The following IGF2BP2 variants were observed in gnomAD, a reference collection of about 807,000 sequenced individuals.
The protein encoded by IGF2BP2 is insulin like growth factor 2 mRNA binding protein 2, also known as insulin-like growth factor 2 mRNA-binding protein 2.
Under a neutral mutation model 75.8 loss-of-function variants are expected in IGF2BP2, and 17 were observed. The ratio of observed to expected loss-of-function variants is 0.22; its 90% CI spans 0.15 to 0.34. IGF2BP2 has a LOEUF of 0.34. Ranked by LOEUF, IGF2BP2 falls within the 10% of genes least tolerant of loss-of-function variation. The probability of loss-of-function intolerance (pLI) is 1.00; values close to 1 mark genes in which losing one functional copy is unlikely to be tolerated. For synonymous variants in IGF2BP2, 288 were observed against 295.6 expected (o/e 0.97, Z 0.26); for missense variants, 516 against 772.4 (o/e 0.67, Z 3.93).
intron 2 of IGF2BP2, among the ~76,000 whole-genome samples, chr3:185,727,407 A>G (rs1727500571): frequency 1.3e-5 from 2 of 152,108 alleles, no homozygotes; most frequent in Non-Finnish European, 1.5e-5. Flanking sequence ...CAGACACAGC[A>G]TGAACATGGC....
At chr3:185,668,010 T>C (rs565662986) in intron 10 of IGF2BP2, among the ~76,000 whole-genome samples, 2 of 152,372 alleles carry the variant, frequency 1.3e-5, no homozygotes, top group South Asian at 4.1e-4. Context: ...AGCTTTTATA[T>C]GCACTGGGAA....
intron 2 of IGF2BP2, among the ~76,000 whole-genome samples, chr3:185,714,113 A>T (rs190769681): frequency 3.3e-5 from 5 of 152,340 alleles, no homozygotes; most frequent in Non-Finnish European, 7.3e-5. Flanking sequence ...CTCATTTTTT[A>T]AAAATCCTTC....
chr3:185,649,672 G>C, intron 13 of IGF2BP2, 138 bp from the exon 14 acceptor site: 1 of 1,209,446 alleles, frequency 8.3e-7, no homozygotes. Flanking sequence ...AGGAAGCTGC[G>C]TGCCCCAGCC....
chr3:185,816,050 G>A (rs1445237025), intron 2 of IGF2BP2, among the ~76,000 whole-genome samples: 1 of 152,080 alleles, frequency 6.6e-6, no homozygotes, highest in Non-Finnish European at 1.5e-5. Context: ...TTCCTACCAG[G>A]GAAACACGTA....
intron 2 of IGF2BP2, among the ~76,000 whole-genome samples, chr3:185,719,670 C>T (rs1173526894): frequency 1.3e-5 from 2 of 152,250 alleles, no homozygotes; most frequent in South Asian, 4.1e-4. Context: ...CCTGTCTCTA[C>T]TAAAAGTACA....
At chr3:185,682,734 C>T (rs766987276) in intron 7 of IGF2BP2, among the ~76,000 whole-genome samples, 2 of 152,196 alleles carry the variant, frequency 1.3e-5, no homozygotes, top group Non-Finnish European at 1.5e-5. Flanking sequence ...ATCAAGACCA[C>T]AATGAGCTGT....
Sources: gnomAD v4.1 joint callset for allele counts (sites outside exome capture counted in the v4.1 genomes callset) on GRCh38, gnomAD v4.1.1 for gene constraint, MANE v1.5 for transcripts, NCBI Gene and HGNC (gene_info 2026-07-23, HGNC 2026-07-21) for gene names.